PRPF6: variants seen among roughly 807,000 people sequenced by gnomAD.
The protein encoded by PRPF6 is pre-mRNA-processing factor 6.
Under a neutral mutation model 118.3 loss-of-function variants are expected in PRPF6, and 42 were observed. The observed-to-expected ratio is 0.35, with a 90% CI of 0.28 to 0.46. The LOEUF (loss-of-function observed/expected upper bound fraction) is 0.46, where lower values mean the gene tolerates loss of function less well. Among genes scored for constraint, PRPF6 ranks in the 20% least tolerant of loss-of-function variants. The pLI, the probability that PRPF6 is intolerant of heterozygous loss-of-function variation, is 1.00. For synonymous variants in PRPF6, 481 were observed against 485.1 expected, an observed-to-expected ratio of 0.99 and a Z score of 0.11; for missense variants, 662 against 1,255.7, an observed-to-expected ratio of 0.53 and a Z score of 7.15.
intron 11 of PRPF6, among the ~76,000 whole-genome samples, chr20:64,014,939 A>G (rs1176754855): frequency 1.3e-5 from 2 of 152,206 alleles, no homozygotes; most frequent in Non-Finnish European, 2.9e-5. Context: ...ATCACACGAC[A>G]CGTGGTCTTT....
At chr20:64,018,570 C>T (rs2059249382) in intron 12 of PRPF6, among the ~76,000 whole-genome samples, 1 of 151,836 alleles carries the variant, frequency 6.6e-6, no homozygotes, top group Non-Finnish European at 1.5e-5. Context: ...TGCTTCTTGG[C>T]CTGAATCAGT....
intron 14 of PRPF6, among the ~76,000 whole-genome samples, chr20:64,024,968 G>A (rs2059281986): frequency 6.6e-6 from 1 of 152,180 alleles, no homozygotes; most frequent in South Asian, 2.1e-4. Flanking sequence ...CACAGGCTGA[G>A]GGCGCCCTTA....
intron 6 of PRPF6, 123 bp from the exon 7 acceptor site, chr20:63,998,922 G>A (rs1050454210): frequency 2.9e-6 from 2 of 687,370 alleles, no homozygotes; most frequent in Admixed American, 2.0e-5. Flanking sequence ...TGAAATGAAG[G>A]CTGTTTTCCT....
At chr20:63,981,643 T>TCCCCCCCCCCCCCC (rs11295538) in intron 1 of PRPF6, among the ~76,000 whole-genome samples, 9 of 124,384 alleles carry the variant, frequency 7.2e-5, no homozygotes, top group South Asian at 2.7e-4. Flanking sequence ...GGGCTGACAC[T>TCCCCCCCCCCCCCC]CCCCCCCCCC....
At chr20:63,982,126 A>G (rs1000426349) in intron 1 of PRPF6, among the ~76,000 whole-genome samples, 1 of 152,152 alleles carries the variant, frequency 6.6e-6, no homozygotes, top group Non-Finnish European at 1.5e-5. Context: ...GCGTCAGGCT[A>G]GAGCTCCTGG....
Position 64,027,237 on chromosome 20 carries a change from C to T in PRPF6, c.2205+79C>T, listed in dbSNP as rs1350785594. ...GAGCCCCCTGGTGCAGGGTCATTGC[C>T]CTTCGCCTCTGAGGAGATGTGGAGG... is the stretch of plus-strand genomic sequence containing the variant. On this transcript the variant is annotated intron_variant, in intron 16 of 20. Coordinates refer to ENST00000266079, the MANE Select transcript of PRPF6 (RefSeq NM_012469.4). The surrounding 1 kb of genome is among the most constrained non-coding windows in gnomAD (Gnocchi z 6.5). The T allele has an allele frequency of 6.4e-7, 1 of 1,551,446 alleles. No homozygotes were observed. The highest frequency in any genetic ancestry group is 8.8e-7 in the Non-Finnish European group (1 of 1,136,316).
chr20:63,995,608 CCTT>C (rs2059138019), intron 6 of PRPF6, 126 bp downstream of exon 6: 3 of 1,125,810 alleles, frequency 2.7e-6, no homozygotes, highest in Non-Finnish European at 2.5e-6. Flanking sequence ...TCCTTCTTCT[CCTT>C]CTCCTTTTTT....
intron 12 of PRPF6, among the ~76,000 whole-genome samples, 166 bp downstream of exon 12, chr20:64,017,011 C>T (rs889419099): frequency 6.6e-6 from 1 of 151,904 alleles, no homozygotes; most frequent in Admixed American, 6.6e-5. Context: ...GGCGCTATCT[C>T]AGCTCACTAC....
chr20:64,000,675 TCTC>T (rs2059162744), intron 8 of PRPF6, among the ~76,000 whole-genome samples: 1 of 151,650 alleles, frequency 6.6e-6, no homozygotes, highest in Non-Finnish European at 1.5e-5. Context: ...TTCAAGCAAT[TCTC>T]CTGCCTCAGC....
intron 14 of PRPF6, 51 bp from the exon 15 acceptor site, chr20:64,025,888 G>T (rs746187368): frequency 1.4e-5 from 22 of 1,612,778 alleles, no homozygotes; most frequent in Non-Finnish European, 1.8e-5. Flanking sequence ...GTGATCAGGC[G>T]CTGGTCCCTG....
intron 6 of PRPF6, among the ~76,000 whole-genome samples, chr20:63,998,730 C>A (rs73626413): frequency 6.9e-6 from 1 of 145,708 alleles, no homozygotes; most frequent in Admixed American, 6.8e-5. Context: ...TAGTCCCAGC[C>A]ACTCGGGAGG....
rs766342583 is a variant in PRPF6 at position 63,995,393 on chromosome 20, C to T, written c.682C>T (p.Pro228Ser). 12 of 1,613,972 alleles carry T rather than the reference C, an allele frequency of 7.4e-6. No homozygotes were observed. Among genetic ancestry groups the T allele is most frequent in the African/African-American group, 1.3e-5 (1 of 74,892 alleles). Residue 228 changes from proline to serine, a missense_variant, in exon 6 of 21, where the codon CCA (proline) becomes TCA (serine). Around this residue, in one of 10 missense-constraint regions of PRPF6, gnomAD observed 97 missense variants for 122.6 expected, o/e 0.79. Transcript: ENST00000266079. ...LNTPYPGGMTPGLMTPGTGEL... is the reference protein window; with the variant it reads ...LNTPYPGGMTSGLMTPGTGEL... ...CACTCCATACCCAGGTGGAATGACGCCAGGACTGATGACACCTGGCACAGG... is the reference window on the plus strand; with the variant it reads ...CACTCCATACCCAGGTGGAATGACGTCAGGACTGATGACACCTGGCACAGG...
intron 9 of PRPF6, among the ~76,000 whole-genome samples, chr20:64,001,983 C>CT (rs1281044111): frequency 4.4e-5 from 4 of 90,666 alleles, no homozygotes; most frequent in South Asian, 3.8e-4. Context: ...CAGGTGGCTT[C>CT]TTTTTTTTCA....
At chr20:64,005,510 C>T (rs1569217702) in intron 9 of PRPF6, among the ~76,000 whole-genome samples, 1 of 152,098 alleles carries the variant, frequency 6.6e-6, no homozygotes, top group East Asian at 1.9e-4. Flanking sequence ...TTAGGACTTT[C>T]CTTCTTTACT....
In PRPF6 at chr20:63,995,109, G is replaced by T. The variant is rs1307331196; in HGVS notation, c.615+17G>T. On this transcript the variant is annotated intron_variant, in intron 5 of 20. Coordinates refer to ENST00000266079, the MANE Select transcript of PRPF6 (RefSeq NM_012469.4). ...CGACAAACTGTGAGCTTCCAAAAAA[G>T]GGCACATGTGGCCCATTTAGTCCTG... The T allele has an allele frequency of 6.2e-7, 1 of 1,614,132 alleles. No individual in the cohort carries two copies. The highest frequency in any genetic ancestry group is 1.7e-5 in the Admixed American group (1 of 60,006).
At chr20:63,985,054 T>C (rs757303084) in intron 3 of PRPF6, 29 bp downstream of exon 3, 2 of 1,589,950 alleles carry the variant, frequency 1.3e-6, no homozygotes, top group Admixed American at 3.3e-5. Context: ...TTTCACAATA[T>C]TTATCCAAGT....
At chr20:64,021,642 C>A (rs2059265194) in intron 12 of PRPF6, among the ~76,000 whole-genome samples, 1 of 135,050 alleles carries the variant, frequency 7.4e-6, no homozygotes, top group Non-Finnish European at 1.6e-5. Context: ...TGTGTGCGTG[C>A]ACATATGCAT....
intron 12 of PRPF6, among the ~76,000 whole-genome samples, chr20:64,019,126 ACT>A (rs1286084899): frequency 8.0e-6 from 1 of 124,702 alleles, no homozygotes; most frequent in Non-Finnish European, 1.6e-5. Context: ...ACAGAGTCTC[ACT>A]CTGTCTCCTA....
chr20:64,000,134 A>G (rs2059160065), intron 8 of PRPF6, among the ~76,000 whole-genome samples: 1 of 151,956 alleles, frequency 6.6e-6, no homozygotes, highest in Admixed American at 6.6e-5. Context: ...GCCTGAATCC[A>G]CCACTGGTTT....
Sources: gnomAD v4.1 joint callset for allele counts (sites outside exome capture counted in the v4.1 genomes callset) on GRCh38, gnomAD v4.1.1 for gene constraint, gnomAD v4.1.1 regional missense constraint, Gnocchi (gnomAD v3.1) non-coding constraint, MANE v1.5 for transcripts, NCBI Gene and HGNC (gene_info 2026-07-23, HGNC 2026-07-21) for gene names.